CSMD3: variants seen among roughly 807,000 people sequenced by gnomAD.
CSMD3 encodes CUB and sushi domain-containing protein 3.
A neutral mutation model predicts 435.2 loss-of-function variants in CSMD3; 177 were observed. That is an observed-to-expected ratio of 0.41 (90% CI 0.36 to 0.46). The LOEUF (loss-of-function observed/expected upper bound fraction) is 0.46, where lower values mean the gene tolerates loss of function less well. Among genes scored for constraint, CSMD3 ranks in the 20% least tolerant of loss-of-function variants. The probability of loss-of-function intolerance (pLI) is 0.34; values close to 1 mark genes in which losing one functional copy is unlikely to be tolerated. For missense variants in CSMD3, 4,265 were observed against 4,504.6 expected (o/e 0.95, Z 1.52); for synonymous variants, 1,656 against 1,520.5 (o/e 1.09, Z -2.07).
chr8:113,156,046 GT>G (rs890020493), intron 4 of CSMD3, among the ~76,000 whole-genome samples: 2 of 151,356 alleles, frequency 1.3e-5, no homozygotes, highest in African/African-American at 4.8e-5. Flanking sequence ...TTTTTCTTTT[GT>G]TTTCCATCAT....
intron 38 of CSMD3, among the ~76,000 whole-genome samples, chr8:112,371,897 A>C (rs1828432555): frequency 6.6e-6 from 1 of 152,018 alleles, no homozygotes; most frequent in Admixed American, 6.6e-5. Flanking sequence ...CTCAAAAAAA[A>C]ACCAAAAAAA....
chr8:113,133,903 G>A (rs1419768638), intron 4 of CSMD3, among the ~76,000 whole-genome samples: 2 of 152,046 alleles, frequency 1.3e-5, no homozygotes, highest in African/African-American at 4.8e-5. Context: ...TGCAGAGGGG[G>A]TAAAGAGGAG....
intron 64 of CSMD3, among the ~76,000 whole-genome samples, chr8:112,246,378 A>C (rs1017095623): frequency 3.9e-5 from 6 of 152,208 alleles, no homozygotes; most frequent in Admixed American, 3.9e-4. Context: ...TGAAAAGATA[A>C]GGGAAGAGAT....
At chr8:112,670,068 A>G (rs975088596) in intron 16 of CSMD3, among the ~76,000 whole-genome samples, 1 of 152,180 alleles carries the variant, frequency 6.6e-6, no homozygotes, top group Non-Finnish European at 1.5e-5. Flanking sequence ...GTATGTCCAC[A>G]GTACAAGGGG....
intron 13 of CSMD3, among the ~76,000 whole-genome samples, chr8:112,764,764 A>G (rs1309204520): frequency 6.6e-6 from 1 of 151,614 alleles, no homozygotes; most frequent in Non-Finnish European, 1.5e-5. Flanking sequence ...AAATTTCAAA[A>G]CCTTTGCTGT....
At chr8:113,399,522 G>A (rs530276350) in intron 1 of CSMD3, among the ~76,000 whole-genome samples, 1 of 150,832 alleles carries the variant, frequency 6.6e-6, no homozygotes, top group African/African-American at 2.4e-5. Flanking sequence ...AAAACGGTTT[G>A]CTAAATGAAA....
chr8:113,270,266 T>A (rs1484358216), intron 3 of CSMD3, among the ~76,000 whole-genome samples: 1 of 148,126 alleles, frequency 6.8e-6, no homozygotes, highest in Non-Finnish European at 1.5e-5. Context: ...TGAGATACCA[T>A]CTCACACCAG....
chr8:112,524,755 A>G (rs1824682865), intron 27 of CSMD3, among the ~76,000 whole-genome samples: 1 of 152,050 alleles, frequency 6.6e-6, no homozygotes, highest in South Asian at 2.1e-4. Flanking sequence ...ATAGTTATAC[A>G]AAATCTATTT....
In CSMD3 at chr8:113,329,534, T is replaced by C. The variant is rs543236041; in HGVS notation, c.179-14741A>G. Among the ~76,000 whole-genome samples, 82 of 152,194 alleles carry C rather than the reference T, an allele frequency of 5.4e-4. No homozygotes were observed. The South Asian group carries it at 6.2e-3, about 12-fold the overall frequency. ...ATTACACATACCAAGATCTGCATAA[T>C]TGAAGTCCCAGAGAAGATGCAAGAG... On this transcript the variant is annotated intron_variant, in intron 1 of 70. Coordinates refer to ENST00000297405, the MANE Select transcript of CSMD3 (RefSeq NM_198123.2).
rs944219703 is a variant in CSMD3 at position 112,292,655 on chromosome 8, C to G, written c.8670G>C (p.Gly2890=). 1 of 1,613,594 alleles carries G rather than the reference C, an allele frequency of 6.2e-7. No individual in the cohort carries two copies. Among genetic ancestry groups the G allele is most frequent in the Non-Finnish European group, 8.5e-7 (1 of 1,179,720 alleles). The change falls in exon 55 of 71, where the codon GGG becomes GGC. Residue 2890 remains glycine, a synonymous_variant. Transcript: ENST00000297405. ...SPIYGRTSGN[G]FNFNDVVTFS... is the part of the protein sequence containing the mutation. ...ATGTTACCACATCATTAAAGTTGAA[C>G]CCATTTCCACTTGTTCTTCCATAAA...
chr8:113,033,569 A>ATTTTTTTTTTTTT (rs1285513451), intron 5 of CSMD3, among the ~76,000 whole-genome samples: 1 of 106,832 alleles, frequency 9.4e-6, no homozygotes, highest in Non-Finnish European at 2.1e-5. Flanking sequence ...TTTGATTTTG[A>ATTTTTTTTTTTTT]TTTTTTTTTT....
intron 3 of CSMD3, among the ~76,000 whole-genome samples, chr8:113,204,706 T>C (rs889161170): frequency 6.6e-6 from 1 of 152,162 alleles, no homozygotes; most frequent in Non-Finnish European, 1.5e-5. Flanking sequence ...ATGGTATTTT[T>C]ACTATACATT....
chr8:113,390,494 A>G (rs1055656867), intron 1 of CSMD3, among the ~76,000 whole-genome samples: 2 of 151,898 alleles, frequency 1.3e-5, no homozygotes, highest in African/African-American at 2.4e-5. Context: ...TACAGAGTAC[A>G]TCACATTTTT....
At chr8:113,152,437 A>C (rs75592515) in intron 4 of CSMD3, among the ~76,000 whole-genome samples, 1,524 of 152,188 alleles carry the variant, frequency 0.01, 7 homozygotes, top group Non-Finnish European at 0.015. Context: ...CTCAGTATAC[A>C]CATATTCACA....
chr8:112,918,703 T>G (rs1355009809), intron 10 of CSMD3, among the ~76,000 whole-genome samples: 1 of 151,932 alleles, frequency 6.6e-6, no homozygotes, highest in African/African-American at 2.4e-5. Flanking sequence ...GAATAAGAAT[T>G]GTCTCTGTTT....
intron 22 of CSMD3, among the ~76,000 whole-genome samples, chr8:112,631,146 A>C (rs545683660): frequency 6.6e-6 from 1 of 152,188 alleles, no homozygotes; most frequent in East Asian, 1.9e-4. Context: ...CCCAAATACA[A>C]AAGGGATATT....
intron 32 of CSMD3, among the ~76,000 whole-genome samples, chr8:112,416,131 C>G (rs1157702162): frequency 6.6e-6 from 1 of 152,156 alleles, no homozygotes; most frequent in Non-Finnish European, 1.5e-5. Context: ...CAAATCTCAT[C>G]TTGAATTGTA....
chr8:112,861,647 A>G (rs1422453006), intron 10 of CSMD3, among the ~76,000 whole-genome samples: 3 of 151,992 alleles, frequency 2.0e-5, no homozygotes, highest in Non-Finnish European at 4.4e-5. Flanking sequence ...AATGGATTAT[A>G]CATTTCATAG....
At chr8:112,445,449 C>T (rs1473222820) in intron 32 of CSMD3, among the ~76,000 whole-genome samples, 3 of 152,008 alleles carry the variant, frequency 2.0e-5, no homozygotes, top group Admixed American at 6.6e-5. Context: ...CCAATCATGA[C>T]GGAGGGCAAA....
Sources: allele counts gnomAD v4.1 joint callset (sites outside exome capture counted in the v4.1 genomes callset), GRCh38; gene constraint gnomAD v4.1.1; transcripts MANE v1.5; gene names NCBI Gene and HGNC (gene_info 2026-07-23, HGNC 2026-07-21).